Variants in UPP1 observed in about 807,000 individuals in gnomAD.
The protein encoded by UPP1 is UPase 1.
Under a neutral mutation model 29.6 loss-of-function variants are expected in UPP1, and 25 were observed. The ratio of observed to expected loss-of-function variants is 0.85; its 90% CI spans 0.62 to 1.18. The LOEUF is 1.18. Ranked by LOEUF, UPP1 falls within the 50% of genes most tolerant of loss-of-function variation. The pLI is 0.00. For missense variants in UPP1, 368 were observed against 410.4 expected (o/e 0.90, Z 0.89); for synonymous variants, 165 against 159.8 (o/e 1.03, Z -0.25).
chr7:48,096,230 A>G (rs1039427679), intron 3 of UPP1, among the ~76,000 whole-genome samples: 5 of 152,174 alleles, frequency 3.3e-5, no homozygotes, highest in Admixed American at 2.6e-4. Context: ...ATCCTCAGCT[A>G]TCTGCTAATC....
At chr7:48,106,459 C>T (rs150999717) in intron 6 of UPP1, 2,769 of 195,918 alleles carry the variant, frequency 0.014, 38 homozygotes, top group East Asian at 0.059. Context: ...TACAGACACC[C>T]GGCACAATGC....
chr7:48,099,498 A>T (rs925805138), intron 3 of UPP1, among the ~76,000 whole-genome samples, 172 bp from the exon 4 acceptor site: 8 of 152,192 alleles, frequency 5.3e-5, no homozygotes, highest in African/African-American at 1.9e-4. Flanking sequence ...GGGGAAGAAC[A>T]GAGGGGAGGC....
At chr7:48,107,135 C>A (rs565993236) in intron 7 of UPP1, 53 bp downstream of exon 7, 3 of 1,588,614 alleles carry the variant, frequency 1.9e-6, no homozygotes, top group Admixed American at 3.4e-5. Flanking sequence ...CCTGGTCCGT[C>A]CCCTGAGCCT....
chr7:48,099,409 T>G (rs1306075370), intron 3 of UPP1, among the ~76,000 whole-genome samples: 2 of 152,194 alleles, frequency 1.3e-5, no homozygotes, highest in African/African-American at 4.8e-5. Flanking sequence ...CTGTGTACTT[T>G]CGTGTGCTCT....
At chr7:48,095,676 T>C (rs1425984488) in intron 3 of UPP1, among the ~76,000 whole-genome samples, 4 of 151,826 alleles carry the variant, frequency 2.6e-5, no homozygotes, top group Non-Finnish European at 4.4e-5. Flanking sequence ...GGAGTTTTGC[T>C]CTTGTCGCCC....
intron 2 of UPP1, among the ~76,000 whole-genome samples, chr7:48,091,035 CAAAAA>C (rs768777618): frequency 6.6e-6 from 1 of 151,834 alleles, no homozygotes; most frequent in Non-Finnish European, 1.5e-5. Context: ...AACAAACAAA[CAAAAA>C]AACCCAAAAA....
chr7:48,102,970 G>A (rs1792513622), intron 5 of UPP1, among the ~76,000 whole-genome samples: 1 of 152,130 alleles, frequency 6.6e-6, no homozygotes, highest in Non-Finnish European at 1.5e-5. Context: ...AATAGGGTGG[G>A]TATTTATGCA....
At position 48,108,381 on chromosome 7, in the gene UPP1, C is replaced by T. The variant is rs1792891985; in HGVS notation, c.*24C>T. 6.3e-7 allele frequency: 1 copy of T among 1,596,782 alleles called. No homozygotes were observed. The highest frequency in any genetic ancestry group is 1.7e-5 in the Admixed American group (1 of 59,422). On this transcript the variant is annotated 3_prime_UTR_variant, in exon 9 of 9. Transcript: ENST00000395564. ...GAGCGCTGCCCTGCACCTCCGCAGA[C>T]CTGCTGTGATGACTTGCCATTAAAA... is the stretch of plus-strand genomic sequence containing the variant.
intron 5 of UPP1, among the ~76,000 whole-genome samples, chr7:48,102,202 C>A (rs1275455040): frequency 6.6e-6 from 1 of 152,196 alleles, no homozygotes; most frequent in Non-Finnish European, 1.5e-5. Context: ...AATGCATATA[C>A]ACCGCTGTCT....
chr7:48,099,682 C>CA lies in UPP1; in HGVS notation c.58dup (p.Arg20LysfsTer23), dbSNP rs781691693. The CA allele has an allele frequency of 6.2e-7, 1 of 1,611,754 alleles. No individual in the cohort carries two copies. The highest frequency in any genetic ancestry group is 1.7e-5 in the Admixed American group (1 of 60,014). ...TGTTTTTTAACAGTGATTGCCCCGT[C>CA]AGACTTTTAAATCCAAACATAGCAA... On this transcript the variant is annotated frameshift_variant, in exon 4 of 9. Coordinates refer to ENST00000395564, the MANE Select transcript of UPP1 (RefSeq NM_003364.4). LOFTEE classifies it high-confidence loss of function.
chr7:48,097,322 C>G (rs1038450697), intron 3 of UPP1, among the ~76,000 whole-genome samples: 10 of 152,186 alleles, frequency 6.6e-5, no homozygotes, highest in African/African-American at 2.4e-4. Flanking sequence ...CAGCCTCAAC[C>G]TCCTGGGCTC....
chr7:48,106,816 CTT>C, intron 6 of UPP1, 55 bp from the exon 7 acceptor site: 1 of 1,572,440 alleles, frequency 6.4e-7, no homozygotes. Context: ...GGCTGCCCTG[CTT>C]TAATTTTATT....
chr7:48,103,905 CA>C (rs1278628781), intron 6 of UPP1: 8 of 1,274,688 alleles, frequency 6.3e-6, no homozygotes, highest in African/African-American at 4.7e-5. Flanking sequence ...TCAACAGGGA[CA>C]TTTTTTTTTT....
rs751977042 is a variant in UPP1 at position 48,108,255 on chromosome 7, A to G, written c.831A>G (p.Glu277=). The change falls in exon 9 of 9, where the codon GAA becomes GAG. Residue 277 remains glutamate (E), a synonymous_variant. Transcript: ENST00000395564. ...GTGTCACCCTCCTGAACCGCCTGGAAGGGGACCAGATCAGCAGCCCTCGCA... is the reference window on the plus strand; with the variant it reads ...GTGTCACCCTCCTGAACCGCCTGGAGGGGGACCAGATCAGCAGCCCTCGCA... ...VVCVTLLNRL[E]GDQISSPRNV... 6 of 1,613,886 alleles carry G rather than the reference A, an allele frequency of 3.7e-6. No homozygotes were observed. In the East Asian group the frequency reaches 1.3e-4, roughly 36 times the overall value.
intron 1 of UPP1, chr7:48,089,777 G>GA (rs1791721345): frequency 1.3e-5 from 2 of 152,318 alleles, no homozygotes; most frequent in Admixed American, 1.3e-4. Context: ...GGTGAAGCCA[G>GA]AGCCGGCAGG....
At chr7:48,097,400 A>G (rs1792181680) in intron 3 of UPP1, among the ~76,000 whole-genome samples, 2 of 151,910 alleles carry the variant, frequency 1.3e-5, no homozygotes, top group African/African-American at 4.8e-5. Context: ...TGCCTGGCTA[A>G]TTTTTACATT....
chr7:48,099,424 A>T (rs1018626379), intron 3 of UPP1, among the ~76,000 whole-genome samples: 1 of 152,128 alleles, frequency 6.6e-6, no homozygotes, highest in African/African-American at 2.4e-5. Context: ...TGCTCTTCTG[A>T]TTTCATCCCT....
At chr7:48,103,848 C>G in intron 6 of UPP1, 5 of 1,289,696 alleles carry the variant, frequency 3.9e-6, no homozygotes, top group Non-Finnish European at 5.1e-6. Flanking sequence ...AGGCGCAGTA[C>G]AAAACTCAGA....
chr7:48,097,272 T>A (rs1430183344), intron 3 of UPP1, among the ~76,000 whole-genome samples: 1 of 152,140 alleles, frequency 6.6e-6, no homozygotes, highest in Non-Finnish European at 1.5e-5. Flanking sequence ...CTTACTCTGT[T>A]ACCTAGGCTG....
Sources: allele counts gnomAD v4.1 joint callset (sites outside exome capture counted in the v4.1 genomes callset), GRCh38; gene constraint gnomAD v4.1.1; transcripts MANE v1.5; gene names NCBI Gene and HGNC (gene_info 2026-07-23, HGNC 2026-07-21).